The following CYRIB variants were observed in gnomAD, a reference collection of about 807,000 sequenced individuals.
CYRIB encodes the protein CYFIP-related Rac1 interactor B.
A neutral mutation model predicts 44.2 loss-of-function variants in CYRIB; 8 were observed. That is an observed-to-expected ratio of 0.18 (90% CI 0.11 to 0.33). CYRIB has a LOEUF of 0.33. Among genes scored for constraint, CYRIB ranks in the 10% least tolerant of loss-of-function variants. CYRIB has a pLI of 1.00. For missense variants in CYRIB, 185 were observed against 382.8 expected (o/e 0.48, Z 4.31); for synonymous variants, 131 against 127.2 (o/e 1.03, Z -0.20).
At chr8:129,910,824 G>T (rs1246296309) in intron 1 of CYRIB, among the ~76,000 whole-genome samples, 1 of 152,086 alleles carries the variant, frequency 6.6e-6, no homozygotes, top group African/African-American at 2.4e-5. Flanking sequence ...ACACGGTCTC[G>T]CTCTGTCGCC....
intron 3 of CYRIB, among the ~76,000 whole-genome samples, chr8:129,876,082 C>T (rs1283959875): frequency 6.6e-6 from 1 of 151,542 alleles, no homozygotes; most frequent in East Asian, 1.9e-4. Context: ...CATTGCACTC[C>T]AGCTTGGGTG....
chr8:129,864,984 A>G (rs2052612075), intron 4 of CYRIB: 1 of 200,580 alleles, frequency 5.0e-6, no homozygotes, highest in Non-Finnish European at 1.0e-5. Flanking sequence ...GATGGTCCCT[A>G]AATTCCACAA....
intron 2 of CYRIB, among the ~76,000 whole-genome samples, chr8:129,953,153 CTACT>C (rs2094590326): frequency 6.6e-6 from 1 of 152,122 alleles, no homozygotes; most frequent in South Asian, 2.1e-4. Context: ...GAAAGGCACA[CTACT>C]TACTCCAATA....
chr8:129,894,113 T>C (rs917191493), intron 2 of CYRIB, among the ~76,000 whole-genome samples: 2 of 152,230 alleles, frequency 1.3e-5, no homozygotes, highest in Non-Finnish European at 2.9e-5. Context: ...CTTTTAAATA[T>C]TAACAGTTAT....
chr8:129,860,495 G>T (rs1271302841), intron 5 of CYRIB, among the ~76,000 whole-genome samples: 1 of 151,936 alleles, frequency 6.6e-6, no homozygotes, highest in Non-Finnish European at 1.5e-5. Flanking sequence ...TACTAAAATT[G>T]GGAAAATAAA....
chr8:129,923,806 TA>T (rs1484469844), intron 1 of CYRIB, among the ~76,000 whole-genome samples: 1 of 150,676 alleles, frequency 6.6e-6, no homozygotes, highest in Non-Finnish European at 1.5e-5. Flanking sequence ...TGAAAAAGAG[TA>T]AAAACACTTA....
intron 2 of CYRIB, among the ~76,000 whole-genome samples, chr8:129,968,739 C>T (rs2095579494): frequency 6.6e-6 from 1 of 152,084 alleles, no homozygotes; most frequent in African/African-American, 2.4e-5. Flanking sequence ...TAGTACAATC[C>T]CATGTGTTTA....
At chr8:129,915,706 A>G (rs2080394230) in intron 1 of CYRIB, among the ~76,000 whole-genome samples, 1 of 152,220 alleles carries the variant, frequency 6.6e-6, no homozygotes, top group African/African-American at 2.4e-5. Context: ...AAAATGGTCC[A>G]TGGACCATCT....
At chr8:130,014,948 T>G (rs992127077) in intron 1 of CYRIB, among the ~76,000 whole-genome samples, 6 of 152,254 alleles carry the variant, frequency 3.9e-5, no homozygotes, top group Admixed American at 2.6e-4. Context: ...GGCTCAGTCT[T>G]GGCTGTTGGC....
chr8:129,862,365 AG>A, intron 4 of CYRIB, 31 bp from the exon 7 acceptor site: 2 of 1,488,870 alleles, frequency 1.3e-6, no homozygotes, highest in Admixed American at 1.9e-5. Context: ...AAATAGTTAG[AG>A]TTAAAAAAAA....
chr8:129,983,545 T>C (rs887731763), intron 1 of CYRIB, among the ~76,000 whole-genome samples: 1 of 152,344 alleles, frequency 6.6e-6, no homozygotes, highest in African/African-American at 2.4e-5. Context: ...GAAGACACCA[T>C]TGGGCAGCAG....
chr8:129,906,018 C>G (rs941781994), intron 1 of CYRIB, among the ~76,000 whole-genome samples: 23 of 152,074 alleles, frequency 1.5e-4, no homozygotes, highest in Non-Finnish European at 2.8e-4. Context: ...TGAAAATGGC[C>G]ATACTGCCCA....
chr8:129,980,227 CAAAAAAA>C lies in CYRIB; in HGVS notation c.-295-9239_-295-9233del, dbSNP rs58630436. On this transcript the variant is annotated intron_variant, in intron 1 of 14. Transcript: ENST00000401979. The stretch of plus-strand genomic sequence containing the variant: ...CGGGCAACAGAGCAAGACTCCATCT[CAAAAAAA>C]AAAAAAAAAAAAGAAAAGAAAAAAG... Among the ~76,000 whole-genome samples, 4 of 91,782 alleles carry C rather than the reference CAAAAAAA, an allele frequency of 4.4e-5. No homozygotes were observed. In the Admixed American group the frequency reaches 4.6e-4, roughly 11 times the overall value. 60.2% of individuals were successfully genotyped at this position (91,782 alleles called of 152,430 possible). A position where few individuals can be genotyped will look rare whatever the true frequency, so the allele number is the denominator to read the frequency against.
At chr8:129,959,097 G>A (rs1266930502) in intron 2 of CYRIB, among the ~76,000 whole-genome samples, 5 of 149,368 alleles carry the variant, frequency 3.3e-5, no homozygotes, top group Non-Finnish European at 5.9e-5. Context: ...AAGGCAGGCA[G>A]GATTTCTCTA....
At chr8:129,936,424 T>TC (rs1282244937) in intron 1 of CYRIB, among the ~76,000 whole-genome samples, 3 of 152,206 alleles carry the variant, frequency 2.0e-5, no homozygotes, top group Non-Finnish European at 4.4e-5. Context: ...CAGTAGGTGT[T>TC]CAATACTACA....
chr8:129,893,081 C>A (rs1218382923), intron 2 of CYRIB, among the ~76,000 whole-genome samples: 1 of 152,192 alleles, frequency 6.6e-6, no homozygotes, highest in Non-Finnish European at 1.5e-5. Context: ...TCAGAGAACA[C>A]GTATGTCTCA....
intron 1 of CYRIB, among the ~76,000 whole-genome samples, chr8:129,921,269 T>C (rs1407155854): frequency 6.6e-6 from 1 of 152,222 alleles, no homozygotes; most frequent in Non-Finnish European, 1.5e-5. Flanking sequence ...TTACTTATCT[T>C]TCCTCTACAC....
At chr8:129,992,800 A>T (rs1314784021) in intron 1 of CYRIB, among the ~76,000 whole-genome samples, 3 of 152,186 alleles carry the variant, frequency 2.0e-5, no homozygotes, top group Non-Finnish European at 4.4e-5. Flanking sequence ...AGAATTACAA[A>T]CAGAAGAAAA....
intron 1 of CYRIB, among the ~76,000 whole-genome samples, chr8:129,907,246 A>T (rs919449040): frequency 7.2e-5 from 11 of 152,244 alleles, no homozygotes; most frequent in Non-Finnish European, 1.5e-4. Context: ...GCACATATAC[A>T]CCATGGAATA....
Sources: allele counts gnomAD v4.1 joint callset (sites outside exome capture counted in the v4.1 genomes callset), GRCh38; gene constraint gnomAD v4.1.1; transcripts MANE v1.5; gene names NCBI Gene and HGNC (gene_info 2026-07-23, HGNC 2026-07-21).